The following ZCCHC24 variants were observed in gnomAD, a reference collection of about 807,000 sequenced individuals.
ZCCHC24 encodes the protein zinc finger CCHC domain-containing protein 24.
In ZCCHC24, 10 loss-of-function variants were observed where a neutral mutation model predicts 26.2. The observed-to-expected ratio is 0.38, with a 90% confidence interval of 0.24 to 0.65. ZCCHC24 has a LOEUF of 0.65. Ranked by LOEUF, ZCCHC24 falls within the 30% of genes least tolerant of loss-of-function variation. The pLI, the probability that ZCCHC24 is intolerant of heterozygous loss-of-function variation, is 0.54. For missense variants in ZCCHC24, 243 were observed against 329.1 expected (o/e 0.74, Z 2.03); for synonymous variants, 144 against 147.1 (o/e 0.98, Z 0.15).
At chr10:79,389,747 C>G (rs952383467) in intron 3 of ZCCHC24, among the ~76,000 whole-genome samples, 6 of 151,992 alleles carry the variant, frequency 3.9e-5, no homozygotes, top group Non-Finnish European at 8.8e-5. Context: ...TCCCAAGTAG[C>G]TGGGATTACA....
rs756074196 is a variant in ZCCHC24, at chr10:79,394,297, G to A, written c.591C>T (p.Ile197=). ...TCACCTGCTTGTGTGGATACACGTT[G>A]ATGTGGCACTTGATGCACTCCTGCC... is the stretch of plus-strand genomic sequence containing the variant. ...NMGQECIKCH[I]NVYPHKQRPL... is the part of the protein sequence containing the mutation. The change falls in exon 3 of 4, where the codon ATC becomes ATT. Residue 197 remains isoleucine (I), a synonymous_variant. Coordinates refer to ENST00000372336, the MANE Select transcript of ZCCHC24 (RefSeq NM_153367.4). The A allele has an allele frequency of 6.2e-7, 1 of 1,614,126 alleles. No individual in the cohort carries two copies. Among genetic ancestry groups the A allele is most frequent in the Admixed American group, 1.7e-5 (1 of 60,034 alleles).
At chr10:79,443,276 G>A (rs1001141040) in intron 1 of ZCCHC24, among the ~76,000 whole-genome samples, 1 of 152,172 alleles carries the variant, frequency 6.6e-6, no homozygotes, top group East Asian at 1.9e-4. Context: ...TGGGATCCTG[G>A]ATGCCAGAAA....
chr10:79,432,048 C>G (rs1032492233), intron 2 of ZCCHC24, among the ~76,000 whole-genome samples: 5 of 152,332 alleles, frequency 3.3e-5, no homozygotes, highest in African/African-American at 1.2e-4. Flanking sequence ...CTTCCCCCAG[C>G]CCTATCCTGG....
chr10:79,418,436 G>A (rs750652163), intron 2 of ZCCHC24, among the ~76,000 whole-genome samples: 11 of 152,192 alleles, frequency 7.2e-5, no homozygotes, highest in South Asian at 2.1e-4. Context: ...CACAGACCTC[G>A]CCTGGGAAGT....
chr10:79,419,702 G>T (rs921562426), intron 2 of ZCCHC24, among the ~76,000 whole-genome samples: 1 of 152,192 alleles, frequency 6.6e-6, no homozygotes, highest in Non-Finnish European at 1.5e-5. Context: ...AGAAATCAGA[G>T]AGGGCTTCCC....
chr10:79,432,905 AGT>A, intron 1 of ZCCHC24, 147 bp from the exon 2 acceptor site: 1 of 871,222 alleles, frequency 1.1e-6, no homozygotes, highest in Non-Finnish European at 1.7e-6. Flanking sequence ...AATCCTAACT[AGT>A]GTGTCTCCAT....
chr10:79,438,034 C>T (rs767468029), intron 1 of ZCCHC24, among the ~76,000 whole-genome samples: 13 of 152,110 alleles, frequency 8.5e-5, no homozygotes, highest in Non-Finnish European at 1.3e-4. Flanking sequence ...CACAGTGAGA[C>T]CATGGAAAAG....
intron 1 of ZCCHC24, 61 bp downstream of exon 1, chr10:79,445,134 C>T (rs1185123716): frequency 2.5e-5 from 14 of 552,834 alleles, no homozygotes; most frequent in Non-Finnish European, 3.1e-5. Context: ...CAGGGAACGG[C>T]CCGCCACGGT....
chr10:79,391,059 G>A (rs748965148), intron 3 of ZCCHC24, among the ~76,000 whole-genome samples: 1 of 152,108 alleles, frequency 6.6e-6, no homozygotes, highest in Non-Finnish European at 1.5e-5. Flanking sequence ...GAGTTCCAGG[G>A]CCCCTTGACA....
intron 1 of ZCCHC24, among the ~76,000 whole-genome samples, chr10:79,434,140 A>T (rs1011981345): frequency 2.0e-5 from 3 of 152,176 alleles, no homozygotes; most frequent in African/African-American, 7.2e-5. Context: ...TCTCGTGTGC[A>T]TCTGGATCAG....
Position 79,445,583 on chromosome 10 carries a change from G to A in ZCCHC24, c.-143C>T, listed in dbSNP as rs1432314651. On this transcript the variant is annotated 5_prime_UTR_variant, in exon 1 of 4. Coordinates refer to ENST00000372336, the MANE Select transcript of ZCCHC24 (RefSeq NM_153367.4). The stretch of plus-strand genomic sequence containing the variant: ...TCGCCCCGCGCCCTGCGCCCCGCGC[G>A]CTGCCCGCAGCCGCTGCCGCTGCCG... 2.9e-6 allele frequency: 2 copies of A among 689,156 alleles called. No homozygotes were observed. The highest frequency in any genetic ancestry group is 3.6e-6 in the Non-Finnish European group (2 of 550,070). The allele number at this position is 689,156 out of a possible 1,614,324, so 42.7% of individuals were successfully genotyped here. A position where few individuals can be genotyped will look rare whatever the true frequency, so the allele number is the denominator to read the frequency against.
chr10:79,392,172 A>G (rs2132176027), intron 3 of ZCCHC24, among the ~76,000 whole-genome samples: 1 of 152,090 alleles, frequency 6.6e-6, no homozygotes, highest in African/African-American at 2.4e-5. Context: ...TCGCCCAGCC[A>G]ACCTTTGCCC....
At chr10:79,414,125 C>T (rs954023315) in intron 2 of ZCCHC24, among the ~76,000 whole-genome samples, 1 of 152,230 alleles carries the variant, frequency 6.6e-6, no homozygotes, top group Non-Finnish European at 1.5e-5. Context: ...CCAGCTTATA[C>T]GATCACCACC....
intron 3 of ZCCHC24, among the ~76,000 whole-genome samples, chr10:79,389,301 T>A (rs1856439540): frequency 6.6e-6 from 1 of 152,140 alleles, no homozygotes; most frequent in African/African-American, 2.4e-5. Flanking sequence ...ACTGAAGGGG[T>A]CACTGCCAGC....
chr10:79,417,062 C>A (rs1005324141), intron 2 of ZCCHC24, among the ~76,000 whole-genome samples: 3 of 152,240 alleles, frequency 2.0e-5, no homozygotes, highest in Non-Finnish European at 4.4e-5. Context: ...AGGTGCTGCG[C>A]TAAGTGATTT....
chr10:79,392,528 A>G (rs1212300571), intron 3 of ZCCHC24, among the ~76,000 whole-genome samples: 1 of 152,198 alleles, frequency 6.6e-6, no homozygotes, highest in Non-Finnish European at 1.5e-5. Context: ...CCCCTGCACC[A>G]TCAGCCCTTT....
intron 1 of ZCCHC24, among the ~76,000 whole-genome samples, chr10:79,440,033 G>A (rs1476216753): frequency 6.6e-6 from 1 of 152,036 alleles, no homozygotes; most frequent in Non-Finnish European, 1.5e-5. Flanking sequence ...AGTGCTTGAT[G>A]TTTTCAAAAA....
chr10:79,428,510 A>C (rs1857078050), intron 2 of ZCCHC24, among the ~76,000 whole-genome samples: 1 of 151,894 alleles, frequency 6.6e-6, no homozygotes, highest in African/African-American at 2.4e-5. Context: ...CTGTGGCTGG[A>C]AGGTGGTGAT....
chr10:79,421,743 C>T (rs930062493), intron 2 of ZCCHC24, among the ~76,000 whole-genome samples: 2 of 152,172 alleles, frequency 1.3e-5, no homozygotes, highest in Non-Finnish European at 2.9e-5. Flanking sequence ...TCTCCTGCCT[C>T]AGCCTCCCAA....
Sources: gnomAD v4.1 joint callset for allele counts (sites outside exome capture counted in the v4.1 genomes callset) on GRCh38, gnomAD v4.1.1 for gene constraint, MANE v1.5 for transcripts, NCBI Gene and HGNC (gene_info 2026-07-23, HGNC 2026-07-21) for gene names.